Variants in SMARCA4 observed in about 807,000 individuals in gnomAD.
The protein encoded by SMARCA4 is SWI/SNF-related matrix-associated actin-dependent regulator of chromatin subfamily A member 4.
In SMARCA4, 31 loss-of-function variants were observed where a neutral mutation model predicts 193.9. That is an observed-to-expected ratio of 0.16 (90% CI 0.12 to 0.22). SMARCA4 has a LOEUF of 0.22. SMARCA4 is among the 10% of genes least tolerant of loss of function. The pLI, the probability that SMARCA4 is intolerant of heterozygous loss-of-function variation, is 1.00. For synonymous variants in SMARCA4, 942 were observed against 933.1 expected (o/e 1.01, Z -0.17); for missense variants, 1,148 against 2,296.0 (o/e 0.50, Z 10.22).
intron 1 of SMARCA4, among the ~76,000 whole-genome samples, chr19:10,962,395 A>G (rs2083882365): frequency 6.6e-6 from 1 of 151,900 alleles, no homozygotes; most frequent in African/African-American, 2.4e-5. Flanking sequence ...GCGGGTGGTA[A>G]ATGTGGGAAC....
intron 16 of SMARCA4, among the ~76,000 whole-genome samples, chr19:11,017,578 T>C (rs1026655342): frequency 2.6e-5 from 4 of 152,242 alleles, no homozygotes; most frequent in African/African-American, 9.6e-5. Flanking sequence ...CTGCCTCCGT[T>C]TGGACCTCTG....
At position 10,995,409 on chromosome 19, in the gene SMARCA4, G is replaced by A. The variant is rs1375704163; in HGVS notation, c.1593+408G>A. On this transcript the variant is annotated intron_variant, in intron 9 of 34. Transcript: ENST00000344626. ...GGGCCAGGTGCTGCTCTGTGTACGG[G>A]GACATGGCCCCTGCCTTTGTGGGGG... The A allele has an allele frequency of 1.7e-5, 8 of 463,640 alleles. No individual in the cohort carries two copies. The East Asian group carries it at 2.0e-4, about 12-fold the overall frequency. The allele number at this position is 463,640 out of a possible 1,614,324, so 28.7% of individuals were successfully genotyped here.
chr19:11,035,176 G>A (rs767752558), intron 29 of SMARCA4, 44 bp downstream of exon 29: 4 of 1,562,400 alleles, frequency 2.6e-6, no homozygotes, highest in Middle Eastern at 2.0e-4. Flanking sequence ...GCCAGCGCCA[G>A]GCAGGGCTGG....
At chr19:11,054,228 C>T (rs1705189144) in intron 30 of SMARCA4, among the ~76,000 whole-genome samples, 1 of 152,214 alleles carries the variant, frequency 6.6e-6, no homozygotes, top group Admixed American at 6.5e-5. Flanking sequence ...ACACTTGTTC[C>T]TGAGTGTCCA....
At chr19:10,977,111 CTG>C (rs1327059158) in intron 1 of SMARCA4, among the ~76,000 whole-genome samples, 3 of 152,146 alleles carry the variant, frequency 2.0e-5, no homozygotes, top group African/African-American at 4.8e-5. Flanking sequence ...CCGGCCAAAT[CTG>C]TGTGCATTGC....
intron 11 of SMARCA4, among the ~76,000 whole-genome samples, chr19:10,998,322 G>A (rs944891243): frequency 2.0e-5 from 3 of 152,162 alleles, no homozygotes; most frequent in African/African-American, 7.2e-5. Context: ...TATCGAGAGT[G>A]CATGGCGGAG....
At chr19:11,026,978 C>T (rs2090311802) in intron 23 of SMARCA4, among the ~76,000 whole-genome samples, 2 of 152,226 alleles carry the variant, frequency 1.3e-5, no homozygotes, top group Admixed American at 6.5e-5. Flanking sequence ...GCACTCTTTA[C>T]ATCATGTGGG....
intron 1 of SMARCA4, chr19:10,977,625 A>T (rs1286332137): frequency 6.6e-6 from 1 of 152,246 alleles, no homozygotes; most frequent in African/African-American, 2.4e-5. Context: ...TGCCCAGCCC[A>T]TGACTCAGTT....
intron 30 of SMARCA4, among the ~76,000 whole-genome samples, chr19:11,051,982 T>C (rs2076288336): frequency 6.6e-6 from 1 of 151,848 alleles, no homozygotes. Flanking sequence ...ATAATCCCAG[T>C]TACGAGGGAG....
intron 30 of SMARCA4, among the ~76,000 whole-genome samples, chr19:11,054,320 C>T (rs1226890831): frequency 6.6e-6 from 1 of 152,200 alleles, no homozygotes; most frequent in African/African-American, 2.4e-5. Context: ...GGTGTGTGCC[C>T]ACCTCGGGAC....
intron 1 of SMARCA4, among the ~76,000 whole-genome samples, chr19:10,966,852 C>T (rs1239801348): frequency 6.7e-6 from 1 of 148,226 alleles, no homozygotes; most frequent in African/African-American, 2.5e-5. Flanking sequence ...CGTGCCGCTG[C>T]ACTCCAGCCT....
At chr19:11,020,415 G>GTT (rs1210085184) in intron 18 of SMARCA4, among the ~76,000 whole-genome samples, 1 of 143,926 alleles carries the variant, frequency 6.9e-6, no homozygotes, top group East Asian at 2.0e-4. Context: ...TTGCGTTTTG[G>GTT]TTTTTTTTTT....
chr19:11,051,996 G>A (rs568348779), intron 30 of SMARCA4, among the ~76,000 whole-genome samples: 1 of 152,278 alleles, frequency 6.6e-6, no homozygotes, highest in East Asian at 1.9e-4. Context: ...GAGGGAGGCT[G>A]AGGCAGGAGA....
chr19:11,031,431 ACTGATAAGTT>A lies in SMARCA4; in HGVS notation c.3546+541_3546+550del, dbSNP rs2074925565. ...ACTTTTCTCTGTGTTTCATTATAAGACTGATAAGTTCTTATTGTTTTTAACATGTAAACAC... is the reference window on the plus strand; with the variant it reads ...ACTTTTCTCTGTGTTTCATTATAAGACTTATTGTTTTTAACATGTAAACAC... On this transcript the variant is annotated intron_variant, in intron 25 of 34. Coordinates refer to ENST00000344626, the MANE Select transcript of SMARCA4 (RefSeq NM_003072.5). This position sits in a 1 kb window ranked among gnomAD's most constrained non-coding sequence, Gnocchi z 4.3. The A allele has an allele frequency of 5.5e-6, 1 of 183,008 alleles. No individual in the cohort carries two copies. Among genetic ancestry groups the A allele is most frequent in the Admixed American group, 5.3e-5 (1 of 18,696 alleles). 11.3% of individuals were successfully genotyped at this position (183,008 alleles called of 1,614,324 possible). A position where few individuals can be genotyped will look rare whatever the true frequency, so the allele number is the denominator to read the frequency against.
At chr19:10,966,139 T>A (rs1269013123) in intron 1 of SMARCA4, among the ~76,000 whole-genome samples, 1 of 151,776 alleles carries the variant, frequency 6.6e-6, no homozygotes, top group Non-Finnish European at 1.5e-5. Context: ...CCCGCCACCA[T>A]GCCTGGCTAA....
At chr19:11,005,854 A>G (rs1322446775) in intron 13 of SMARCA4, among the ~76,000 whole-genome samples, 1 of 152,108 alleles carries the variant, frequency 6.6e-6, no homozygotes, top group African/African-American at 2.4e-5. Flanking sequence ...CCTTTGGTCA[A>G]CTCGCTGAGC....
intron 16 of SMARCA4, among the ~76,000 whole-genome samples, chr19:11,013,742 T>C (rs1380651060): frequency 1.3e-5 from 2 of 152,094 alleles, no homozygotes; most frequent in South Asian, 2.1e-4. Flanking sequence ...TGAGGCTCCA[T>C]TGAACAGTCT....
rs1337803779 is a variant in SMARCA4, at chr19:10,987,742, C to T, written c.936C>T (p.Ser312=). ...LIPPQPTGRP[S]PAPPAVPPAA... ...CCCCGCAGCCAACGGGCCGCCCTTC[C>T]CCCGCGCCCCCTGCCGTCCCACCCG... is the stretch of plus-strand genomic sequence containing the variant. The change falls in exon 6 of 35, where the codon TCC becomes TCT. Residue 312 remains serine (S), a synonymous_variant. Coordinates refer to ENST00000344626, the MANE Select transcript of SMARCA4 (RefSeq NM_003072.5). The surrounding 1 kb of genome is among the most constrained non-coding windows in gnomAD (Gnocchi z 5.3). 1.2e-6 allele frequency: 2 copies of T among 1,602,240 alleles called. No homozygotes were observed. Among genetic ancestry groups the T allele is most frequent in the South Asian group, 2.2e-5 (2 of 90,068 alleles).
intron 34 of SMARCA4, among the ~76,000 whole-genome samples, chr19:11,061,208 T>TAC (rs2076871493): frequency 1.8e-5 from 1 of 54,868 alleles, no homozygotes; most frequent in African/African-American, 1.2e-4. Context: ...AAAAAAAATA[T>TAC]ATATATATAT....
Sources: gnomAD v4.1 joint callset for allele counts (sites outside exome capture counted in the v4.1 genomes callset) on GRCh38, gnomAD v4.1.1 for gene constraint, Gnocchi (gnomAD v3.1) non-coding constraint, MANE v1.5 for transcripts, NCBI Gene and HGNC (gene_info 2026-07-23, HGNC 2026-07-21) for gene names.